Variants in FBXL7 observed in about 807,000 individuals in gnomAD.
FBXL7 encodes the protein F-box/LRR-repeat protein 7.
Under a neutral mutation model 38.3 loss-of-function variants are expected in FBXL7, and 12 were observed. That is an observed-to-expected ratio of 0.31 (90% CI 0.20 to 0.51). The LOEUF (loss-of-function observed/expected upper bound fraction) is 0.51. Among genes scored for constraint, FBXL7 ranks in the 20% least tolerant of loss-of-function variants. The probability of loss-of-function intolerance (pLI) is 0.98; values close to 1 mark genes in which losing one functional copy is unlikely to be tolerated. For synonymous variants in FBXL7, 297 were observed against 300.9 expected, an observed-to-expected ratio of 0.99 and a Z score of 0.13; for missense variants, 567 against 676.4, an observed-to-expected ratio of 0.84 and a Z score of 1.79.
intron 2 of FBXL7, among the ~76,000 whole-genome samples, chr5:15,710,827 A>T (rs541055585): frequency 6.6e-6 from 1 of 152,286 alleles, no homozygotes; most frequent in East Asian, 1.9e-4. Context: ...CAAAATCAAG[A>T]TATCTGTTGA....
At position 15,938,077 on chromosome 5, in the gene FBXL7, A is replaced by T. The variant is rs1742250728; in HGVS notation, c.*891A>T. On this transcript the variant is annotated 3_prime_UTR_variant, in exon 4 of 4. Coordinates refer to ENST00000504595, the MANE Select transcript of FBXL7 (RefSeq NM_012304.5). ...TATGTCCTTTGGCTGCAAATCACCC[A>T]CTTCCCTGTGTTTCAGTGGGAGAAT... 6.6e-6 allele frequency: 1 copy of T among 152,056 alleles called. No individual in the cohort carries two copies. Among genetic ancestry groups the T allele is most frequent in the Admixed American group, 6.5e-5 (1 of 15,268 alleles). 9.4% of individuals were successfully genotyped at this position (152,056 alleles called of 1,614,324 possible).
At chr5:15,620,654 G>A (rs1052692139) in intron 2 of FBXL7, among the ~76,000 whole-genome samples, 3 of 152,116 alleles carry the variant, frequency 2.0e-5, no homozygotes, top group Admixed American at 1.3e-4. Context: ...AGGGTTGCAC[G>A]CTGGCCCCAA....
At chr5:15,642,273 T>C (rs1741390778) in intron 2 of FBXL7, among the ~76,000 whole-genome samples, 1 of 152,114 alleles carries the variant, frequency 6.6e-6, no homozygotes, top group Admixed American at 6.6e-5. Context: ...TTTTCCAATG[T>C]TTTCTGTTTG....
chr5:15,933,379 A>G (rs1387858236), intron 3 of FBXL7, among the ~76,000 whole-genome samples: 1 of 152,248 alleles, frequency 6.6e-6, no homozygotes, highest in African/African-American at 2.4e-5. Context: ...GTTTCTAAAG[A>G]AAGGAAACTA....
chr5:15,634,763 GT>G (rs1382284441), intron 2 of FBXL7, among the ~76,000 whole-genome samples: 1 of 152,154 alleles, frequency 6.6e-6, no homozygotes, highest in East Asian at 1.9e-4. Flanking sequence ...TTGAAAATCT[GT>G]TTCTTCTGGA....
At chr5:15,638,108 A>G (rs933838048) in intron 2 of FBXL7, among the ~76,000 whole-genome samples, 2 of 152,240 alleles carry the variant, frequency 1.3e-5, no homozygotes, top group Middle Eastern at 3.2e-3. Flanking sequence ...CCAGGTGATC[A>G]GTCTATGACA....
chr5:15,631,665 T>A (rs1256757238), intron 2 of FBXL7, among the ~76,000 whole-genome samples: 3 of 60,000 alleles, frequency 5.0e-5, no homozygotes, highest in Non-Finnish European at 5.4e-5. Flanking sequence ...AGAGCGAGAC[T>A]CCAAAAAAAA....
chr5:15,790,546 A>T (rs1054133541), intron 2 of FBXL7, among the ~76,000 whole-genome samples: 1 of 152,194 alleles, frequency 6.6e-6, no homozygotes, highest in South Asian at 2.1e-4. Flanking sequence ...TTCTCAGCAA[A>T]TCATTTTGTC....
chr5:15,803,796 C>A (rs990052552), intron 2 of FBXL7, among the ~76,000 whole-genome samples: 1 of 152,130 alleles, frequency 6.6e-6, no homozygotes, highest in Non-Finnish European at 1.5e-5. Context: ...CAAACTTGCC[C>A]CTTTACCAGG....
At chr5:15,853,905 G>A (rs1443805552) in intron 2 of FBXL7, among the ~76,000 whole-genome samples, 2 of 152,096 alleles carry the variant, frequency 1.3e-5, no homozygotes, top group Non-Finnish European at 2.9e-5. Context: ...TATAATAATT[G>A]GCTATCTTCT....
chr5:15,705,753 G>A (rs899736652), intron 2 of FBXL7, among the ~76,000 whole-genome samples: 1 of 152,006 alleles, frequency 6.6e-6, no homozygotes, highest in African/African-American at 2.4e-5. Context: ...TATATTGGGT[G>A]GTGGGAAGTC....
At chr5:15,835,519 A>T (rs1242993360) in intron 2 of FBXL7, among the ~76,000 whole-genome samples, 1 of 152,272 alleles carries the variant, frequency 6.6e-6, no homozygotes, top group African/African-American at 2.4e-5. Flanking sequence ...CTTTTTTTGA[A>T]TGTCTACTAA....
intron 2 of FBXL7, among the ~76,000 whole-genome samples, chr5:15,655,017 C>T (rs754966391): frequency 2.0e-5 from 3 of 152,126 alleles, no homozygotes; most frequent in Non-Finnish European, 4.4e-5. Flanking sequence ...GGTTAATTTG[C>T]CCTGGCATGT....
At chr5:15,618,293 T>G (rs1355495270) in intron 2 of FBXL7, among the ~76,000 whole-genome samples, 1 of 152,226 alleles carries the variant, frequency 6.6e-6, no homozygotes, top group Non-Finnish European at 1.5e-5. Flanking sequence ...AATTTCCTTC[T>G]AGCTTTTAAG....
At chr5:15,756,200 T>C (rs1736292939) in intron 2 of FBXL7, among the ~76,000 whole-genome samples, 1 of 152,142 alleles carries the variant, frequency 6.6e-6, no homozygotes, top group Non-Finnish European at 1.5e-5. Flanking sequence ...TAAGTCTAGA[T>C]GGTGTTTTCA....
chr5:15,744,017 C>G lies in FBXL7; in HGVS notation c.127+127945C>G, dbSNP rs183535334. On this transcript the variant is annotated intron_variant, in intron 2 of 3. Coordinates refer to ENST00000504595, the MANE Select transcript of FBXL7 (RefSeq NM_012304.5). ...TGCACACATCAGGGGTCTCTGAACC[C>G]AACCCAAGAAACCATTTCTGCCTCC... is the stretch of plus-strand genomic sequence containing the variant. 4.5e-4 allele frequency among the ~76,000 whole-genome samples: 69 copies of G among 152,276 alleles called. 1 individual carries two copies. The highest frequency in any genetic ancestry group is 1.6e-3 in the African/African-American group (68 of 41,576).
At chr5:15,905,291 G>A (rs1741328427) in intron 2 of FBXL7, among the ~76,000 whole-genome samples, 1 of 152,090 alleles carries the variant, frequency 6.6e-6, no homozygotes, top group Admixed American at 6.6e-5. Flanking sequence ...CTAAAATTAA[G>A]GTGTTGTTTT....
chr5:15,603,089 C>T (rs1300729804), intron 1 of FBXL7, among the ~76,000 whole-genome samples: 1 of 152,180 alleles, frequency 6.6e-6, no homozygotes, highest in Non-Finnish European at 1.5e-5. Flanking sequence ...ATCTTCCTGC[C>T]TCAGCCTCCC....
At chr5:15,519,673 GAGAA>G (rs1157733704) in intron 1 of FBXL7, among the ~76,000 whole-genome samples, 1 of 152,168 alleles carries the variant, frequency 6.6e-6, no homozygotes, top group Non-Finnish European at 1.5e-5. Context: ...TGAAAAATCT[GAGAA>G]AGAGTTTGAG....
Sources: allele counts gnomAD v4.1 joint callset (sites outside exome capture counted in the v4.1 genomes callset), GRCh38; gene constraint gnomAD v4.1.1; transcripts MANE v1.5; gene names NCBI Gene and HGNC (gene_info 2026-07-23, HGNC 2026-07-21).